WDR75: variants seen among roughly 807,000 people sequenced by gnomAD.
WDR75 encodes WD repeat domain 75, also known as WD repeat-containing protein 75.
Under a neutral mutation model 106.1 loss-of-function variants are expected in WDR75, and 52 were observed. The ratio of observed to expected loss-of-function variants is 0.49; its 90% CI spans 0.39 to 0.62. The LOEUF is 0.62. Among genes scored for constraint, WDR75 ranks in the 20% least tolerant of loss-of-function variants. The pLI is 0.00. For missense variants in WDR75, 905 were observed against 970.3 expected (o/e 0.93, Z 0.89); for synonymous variants, 333 against 335.5 (o/e 0.99, Z 0.08).
At chr2:189,446,886 TAA>T (rs1221129802) in intron 1 of WDR75, among the ~76,000 whole-genome samples, 1 of 152,148 alleles carries the variant, frequency 6.6e-6, no homozygotes, top group Non-Finnish European at 1.5e-5. Flanking sequence ...CATTATTAAG[TAA>T]AATAAGGGTT....
At chr2:189,450,447 C>G in intron 2 of WDR75, 1 of 872,326 alleles carries the variant, frequency 1.1e-6, no homozygotes, top group Non-Finnish European at 1.4e-6. Flanking sequence ...ACTGCAACCT[C>G]AGCCTCCCAA....
Position 189,451,823 on chromosome 2 carries a change from A to C in WDR75, c.301A>C (p.Lys101Gln). 6.2e-7 allele frequency: 1 copy of C among 1,613,752 alleles called. No individual in the cohort carries two copies. Among genetic ancestry groups the C allele is most frequent in the Non-Finnish European group, 8.5e-7 (1 of 1,179,866 alleles). ...CTTTCAGACTTTCATAGTTGGATGT[A>C]AACTTCATGCCCTCTTTACTCTTGC... Reference protein sequence around the residue: ...ILIKTFIVGCKLHALFTLAQA... With the variant: ...ILIKTFIVGCQLHALFTLAQA... The change falls in exon 4 of 21, where the codon AAA (lysine) becomes CAA (glutamine). Residue 101 changes from lysine (K) to glutamine (Q), a missense_variant. Transcript: ENST00000314761.
intron 2 of WDR75, chr2:189,450,581 T>A: frequency 1.8e-6 from 2 of 1,111,326 alleles, no homozygotes; most frequent in Non-Finnish European, 1.1e-6. Context: ...CCTCCCAAAG[T>A]GCTGAGATTA....
Position 189,452,026 on chromosome 2 carries a change from C to T in WDR75, c.373+131C>T, listed in dbSNP as rs376401850. 94 of 642,192 alleles carry T rather than the reference C, an allele frequency of 1.5e-4. No individual in the cohort carries two copies. The East Asian group carries it at 1.9e-3, about 13-fold the overall frequency. 39.8% of individuals were successfully genotyped at this position (642,192 alleles called of 1,614,324 possible). ...GAATGGGCATTTAAATTGCTTTTGT[C>T]ATTATTGTGCTCATTTGGAGATGGT... On this transcript the variant is annotated intron_variant, in intron 4 of 20. Transcript: ENST00000314761.
At chr2:189,472,971 A>C (rs1452157532) in intron 18 of WDR75, among the ~76,000 whole-genome samples, 3 of 152,124 alleles carry the variant, frequency 2.0e-5, no homozygotes, top group Non-Finnish European at 2.9e-5. Context: ...GTAATCCCAC[A>C]TTTTGGAAGG....
chr2:189,451,146 G>T (rs10202907), intron 3 of WDR75, among the ~76,000 whole-genome samples, 178 bp downstream of exon 3: 9,844 of 152,036 alleles, frequency 0.065, 491 homozygotes, highest in African/African-American at 0.14. Flanking sequence ...AAAAGACAAG[G>T]TAAAGCTGGA....
At chr2:189,466,905 ACAGT>A (rs1258918470) in intron 13 of WDR75, among the ~76,000 whole-genome samples, 1 of 152,150 alleles carries the variant, frequency 6.6e-6, no homozygotes, top group African/African-American at 2.4e-5. Flanking sequence ...AAATTTCAGA[ACAGT>A]CAGTATTTTG....
chr2:189,466,334 T>C, intron 12 of WDR75, 91 bp from the exon 13 acceptor site: 1 of 1,391,938 alleles, frequency 7.2e-7, no homozygotes, highest in African/African-American at 1.5e-5. Flanking sequence ...TTGTTCAAGA[T>C]GCTATTGTAA....
chr2:189,453,440 T>C (rs1686666972), intron 4 of WDR75, among the ~76,000 whole-genome samples: 1 of 152,148 alleles, frequency 6.6e-6, no homozygotes, highest in African/African-American at 2.4e-5. Flanking sequence ...AGCAAAACTT[T>C]TTACCCATGA....
intron 6 of WDR75, among the ~76,000 whole-genome samples, chr2:189,458,181 C>T (rs180938991): frequency 3.9e-5 from 6 of 152,096 alleles, no homozygotes; most frequent in Non-Finnish European, 7.4e-5. Flanking sequence ...CCTCAGCCTC[C>T]GAAAGTGCTG....
At position 189,470,879 on chromosome 2, in the gene WDR75, G is replaced by A; in HGVS notation, c.2049+1G>A. 1 of 1,600,822 alleles carries A rather than the reference G, an allele frequency of 6.2e-7. No individual in the cohort carries two copies. Among genetic ancestry groups the A allele is most frequent in the Non-Finnish European group, 8.5e-7 (1 of 1,174,518 alleles). Reference sequence around the variant, plus strand: ...AAAACTCACACCAACAAGCAAACAGGTATGTTTTAGCCATTCATAGCAGGA... The same window carrying A: ...AAAACTCACACCAACAAGCAAACAGATATGTTTTAGCCATTCATAGCAGGA... On this transcript the variant is annotated splice_donor_variant, in intron 18 of 20. Coordinates refer to ENST00000314761, the MANE Select transcript of WDR75 (RefSeq NM_032168.3). LOFTEE classifies it high-confidence loss of function.
intron 7 of WDR75, 79 bp downstream of exon 7, chr2:189,458,951 G>A (rs1410014100): frequency 6.3e-6 from 9 of 1,429,466 alleles, no homozygotes; most frequent in Admixed American, 2.7e-5. Flanking sequence ...CTATCTCTGG[G>A]TCCCAAGAAA....
In WDR75 at chr2:189,450,887, T is replaced by C. The variant is rs745333053; in HGVS notation, c.217-16T>C. On this transcript the variant is annotated splice_polypyrimidine_tract_variant and intron_variant, in intron 2 of 20. Coordinates refer to ENST00000314761, the MANE Select transcript of WDR75 (RefSeq NM_032168.3). ...TCTTTTTTTTAAATCAATTTTGTAT[T>C]GTTTTACCCTTTTAGCTGTATTCTT... 2 of 1,599,604 alleles carry C rather than the reference T, an allele frequency of 1.3e-6. No homozygotes were observed. The highest frequency in any genetic ancestry group is 1.7e-6 in the Non-Finnish European group (2 of 1,176,950).
intron 1 of WDR75, 52 bp from the exon 2 acceptor site, chr2:189,448,326 GA>G (rs1686542407): frequency 6.5e-7 from 1 of 1,537,666 alleles, no homozygotes; most frequent in South Asian, 1.3e-5. Context: ...TCAGCAGTGT[GA>G]AAACAGGCTA....
At chr2:189,474,353 T>C in intron 19 of WDR75, 21 bp downstream of exon 19, 2 of 1,595,144 alleles carry the variant, frequency 1.3e-6, no homozygotes, top group East Asian at 2.2e-5. Flanking sequence ...ATGAAAACCA[T>C]GTGAAACAGA....
intron 11 of WDR75, among the ~76,000 whole-genome samples, 174 bp from the exon 12 acceptor site, chr2:189,464,905 C>T (rs1344467636): frequency 6.6e-6 from 1 of 151,912 alleles, no homozygotes; most frequent in Non-Finnish European, 1.5e-5. Context: ...TTTTTAATGG[C>T]AATTTTGGTG....
intron 11 of WDR75, chr2:189,464,260 C>CA (rs141525741): frequency 0.031 from 9,235 of 296,518 alleles, 175 homozygotes; most frequent in Admixed American, 0.048. Flanking sequence ...GATAAAGAAA[C>CA]AAAAATAGGT....
intron 8 of WDR75, 51 bp downstream of exon 8, chr2:189,459,475 T>C: frequency 6.7e-7 from 1 of 1,496,480 alleles, no homozygotes; most frequent in Non-Finnish European, 9.2e-7. Flanking sequence ...ATGATTCAAG[T>C]GTTTTAATTC....
chr2:189,446,593 T>G (rs1686504385), intron 1 of WDR75, among the ~76,000 whole-genome samples: 1 of 152,210 alleles, frequency 6.6e-6, no homozygotes, highest in African/African-American at 2.4e-5. Flanking sequence ...TCAAGTGTCT[T>G]GAACTAATAA....
Sources: allele counts gnomAD v4.1 joint callset (sites outside exome capture counted in the v4.1 genomes callset), GRCh38; gene constraint gnomAD v4.1.1; transcripts MANE v1.5; gene names NCBI Gene and HGNC (gene_info 2026-07-23, HGNC 2026-07-21).